Variants in SLC16A5 observed in about 807,000 individuals in gnomAD.
SLC16A5 encodes the protein solute carrier family 16 member 5, also known as monocarboxylate transporter 6.
Under a neutral mutation model 33.2 loss-of-function variants are expected in SLC16A5, and 29 were observed. That is an observed-to-expected ratio of 0.87 (90% CI 0.65 to 1.19). The LOEUF is 1.19. Among genes scored for constraint, SLC16A5 ranks in the 50% most tolerant of loss-of-function variants. SLC16A5 has a pLI of 0.00. For synonymous variants in SLC16A5, 248 were observed against 284.1 expected (o/e 0.87, Z 1.28); for missense variants, 606 against 678.2 (o/e 0.89, Z 1.18).
At position 75,093,666 on chromosome 17, in the gene SLC16A5, C is replaced by T; in HGVS notation, c.30C>T (p.Gly10=). The change falls in exon 3 of 7, where the codon GGC becomes GGT. Residue 10 remains glycine, a synonymous_variant. Coordinates refer to ENST00000329783, the MANE Select transcript of SLC16A5 (RefSeq NM_004695.4). Reference sequence around the variant, plus strand: ...CCCAGGCCCTGGAGCGTGCAGATGGCAGCTGGGCCTGGGTGGTGCTGCTGG... The same window carrying T: ...CCCAGGCCCTGGAGCGTGCAGATGGTAGCTGGGCCTGGGTGGTGCTGCTGG... MPQALERAD[G]SWAWVVLLAT... 1 of 1,613,354 alleles carries T rather than the reference C, an allele frequency of 6.2e-7. No individual in the cohort carries two copies. Among genetic ancestry groups the T allele is most frequent in the Non-Finnish European group, 8.5e-7 (1 of 1,179,988 alleles).
intron 5 of SLC16A5, 21 bp from the exon 6 acceptor site, chr17:75,103,949 A>G: frequency 6.2e-7 from 1 of 1,611,330 alleles, no homozygotes; most frequent in Non-Finnish European, 8.5e-7. Flanking sequence ...GCACTGGCCT[A>G]ACTTGATCTC....
rs759113830 is a variant in SLC16A5, at chr17:75,100,722, C to T, written c.1059C>T (p.Leu353=). ...SGIGALIFQV[L]MDIVPMDQFP... is the part of the protein sequence containing the mutation. ...TCGGCGCCCTCATCTTCCAGGTTCT[C>T]ATGGACATCGTCCCCATGGATCAGT... is the stretch of plus-strand genomic sequence containing the variant. Residue 353 remains leucine, a synonymous_variant, in exon 5 of 7, where the codon CTC becomes CTT. Transcript: ENST00000329783. The T allele has an allele frequency of 4.3e-6, 7 of 1,614,056 alleles. No homozygotes were observed. Among genetic ancestry groups the T allele is most frequent in the Middle Eastern group, 1.6e-4 (1 of 6,084 alleles).
At chr17:75,103,283 T>G (rs1471647408) in intron 5 of SLC16A5, among the ~76,000 whole-genome samples, 1 of 146,160 alleles carries the variant, frequency 6.8e-6, no homozygotes, top group Admixed American at 6.9e-5. Context: ...CTCAGCCTCC[T>G]AAAGTGCTGG....
chr17:75,104,613 G>T, intron 6 of SLC16A5: 1 of 566,434 alleles, frequency 1.8e-6, no homozygotes, highest in Non-Finnish European at 2.2e-6. Flanking sequence ...CACCACTCCC[G>T]GCTAATTTTG....
chr17:75,104,342 A>G (rs893105131), intron 6 of SLC16A5, 162 bp downstream of exon 6: 1 of 1,438,392 alleles, frequency 7.0e-7, no homozygotes, highest in African/African-American at 1.4e-5. Context: ...CGGGCTGTCC[A>G]GGCTCTGCAA....
intron 6 of SLC16A5, 66 bp downstream of exon 6, chr17:75,104,246 T>C (rs2073836173): frequency 6.3e-7 from 1 of 1,577,866 alleles, no homozygotes; most frequent in Non-Finnish European, 8.6e-7. Context: ...CTGGGATCAC[T>C]GAGTGAACAC....
At chr17:75,106,908 C>G (rs577830638), downstream of SLC16A5, among the ~76,000 whole-genome samples, 1 of 147,672 alleles carries the variant, frequency 6.8e-6, no homozygotes, top group East Asian at 2.0e-4. Context: ...AACAAACAAA[C>G]AAAAAAAACA....
intron 3 of SLC16A5, among the ~76,000 whole-genome samples, chr17:75,096,746 G>A (rs1300861920): frequency 4.0e-5 from 6 of 151,174 alleles, no homozygotes; most frequent in African/African-American, 1.5e-4. Context: ...TAGCCAGGCT[G>A]GTCTCGAACT....
chr17:75,109,007 C>T (rs2073884693), downstream of SLC16A5, among the ~76,000 whole-genome samples: 2 of 152,164 alleles, frequency 1.3e-5, no homozygotes. The surrounding 1 kb of genome is among the most constrained non-coding windows in gnomAD (Gnocchi z 5.0). Context: ...ACAACTTTTG[C>T]ACTCTCAGGA....
At chr17:75,094,626 C>T (rs571510066) in intron 3 of SLC16A5, among the ~76,000 whole-genome samples, 1 of 148,918 alleles carries the variant, frequency 6.7e-6, no homozygotes, top group African/African-American at 2.5e-5. Flanking sequence ...GCAGAGGTTG[C>T]GGTGAGCTGA....
rs764195614 is a variant in SLC16A5, at chr17:75,093,428, C to T, written c.-48-161C>T. 59 of 1,535,840 alleles carry T rather than the reference C, an allele frequency of 3.8e-5. No individual in the cohort carries two copies. The Middle Eastern group carries it at 5.0e-4, about 13-fold the overall frequency. On this transcript the variant is annotated intron_variant, in intron 2 of 6. Transcript: ENST00000329783. ...GGGTGAAAGGAGATGCCAAGGCCAA[C>T]GCGTGGGCCTCTGGCCACCTCCCAG...
intron 6 of SLC16A5, chr17:75,105,527 C>A (rs962350573): frequency 2.0e-6 from 2 of 985,422 alleles, no homozygotes; most frequent in Non-Finnish European, 2.4e-6. Context: ...TCCCCGTACA[C>A]CTGTGCCTGT....
In SLC16A5 at chr17:75,093,736, A is replaced by G. The variant is rs748135394; in HGVS notation, c.100A>G (p.Ile34Val). The change falls in exon 3 of 7, where the codon ATC (isoleucine) becomes GTC (valine). Residue 34 changes from isoleucine to valine, a missense_variant. Transcript: ENST00000329783. Reference sequence around the variant, plus strand: ...CCTCACCCTGGGCTTCCCCACGTGTATCGGCATCTTCTTCACTGAATTGCA... The same window carrying G: ...CCTCACCCTGGGCTTCCCCACGTGTGTCGGCATCTTCTTCACTGAATTGCA... ...QGLTLGFPTC[I>V]GIFFTELQWE... 5.6e-6 allele frequency: 9 copies of G among 1,614,066 alleles called. No individual in the cohort carries two copies. In the East Asian group the frequency reaches 8.9e-5, roughly 16 times the overall value.
chr17:75,090,164 G>A (rs1265506249), intron 2 of SLC16A5: 1 of 152,072 alleles, frequency 6.6e-6, no homozygotes, highest in Non-Finnish European at 1.5e-5. Flanking sequence ...GGCCAGGCTA[G>A]TCTTGAACTC....
downstream of SLC16A5, among the ~76,000 whole-genome samples, chr17:75,108,489 A>G (rs768656895): frequency 1.3e-5 from 2 of 152,134 alleles, no homozygotes; most frequent in African/African-American, 4.8e-5. Flanking sequence ...CCTGCTTCCA[A>G]TGGGGCTGCA....
At chr17:75,094,425 G>A (rs1297130919) in intron 3 of SLC16A5, among the ~76,000 whole-genome samples, 1 of 152,224 alleles carries the variant, frequency 6.6e-6, no homozygotes, top group Non-Finnish European at 1.5e-5. Flanking sequence ...GATGGCTTAC[G>A]CCTGTAATCC....
chr17:75,096,104 C>A (rs938459893), intron 3 of SLC16A5, among the ~76,000 whole-genome samples: 4 of 151,798 alleles, frequency 2.6e-5, no homozygotes, highest in African/African-American at 9.7e-5. Context: ...GGCACCTGAC[C>A]ACAGTATTGT....
downstream of SLC16A5, among the ~76,000 whole-genome samples, chr17:75,108,448 A>T (rs2073879460): frequency 1.3e-5 from 2 of 152,160 alleles, no homozygotes; most frequent in South Asian, 4.1e-4. Flanking sequence ...GCAGGGGCTG[A>T]CCACAAGGAC....
intron 3 of SLC16A5, among the ~76,000 whole-genome samples, chr17:75,094,811 TCTC>T (rs2073694395): frequency 6.6e-6 from 1 of 152,178 alleles, no homozygotes; most frequent in African/African-American, 2.4e-5. Context: ...GTCTGCCCCT[TCTC>T]CTGGCTCTGT....
Sources: allele counts gnomAD v4.1 joint callset (sites outside exome capture counted in the v4.1 genomes callset), GRCh38; gene constraint gnomAD v4.1.1; non-coding constraint Gnocchi (gnomAD v3.1); transcripts MANE v1.5; gene names NCBI Gene and HGNC (gene_info 2026-07-23, HGNC 2026-07-21).